GSE1: variants seen among roughly 807,000 people sequenced by gnomAD.
GSE1 encodes the protein Gse1 coiled-coil protein.
In GSE1, 32 loss-of-function variants were observed where a neutral mutation model predicts 112.6. The ratio of observed to expected loss-of-function variants is 0.28; its 90% CI spans 0.21 to 0.38. GSE1 has a LOEUF of 0.38. Ranked by LOEUF, GSE1 falls within the 10% of genes least tolerant of loss-of-function variation. GSE1 has a pLI of 1.00. For synonymous variants in GSE1, 1,115 were observed against 735.6 expected (o/e 1.52, Z -8.35); for missense variants, 2,348 against 1,699.2 (o/e 1.38, Z -6.71).
chr16:85,632,551 G>C (rs1567683521), intron 1 of GSE1, among the ~76,000 whole-genome samples: 2 of 152,204 alleles, frequency 1.3e-5, no homozygotes, highest in South Asian at 4.1e-4. Flanking sequence ...TCTCCACGCT[G>C]CCTCCGAGCC....
At chr16:85,175,035 T>C (rs977056088) in intron 1 of GSE1, among the ~76,000 whole-genome samples, 1 of 134,940 alleles carries the variant, frequency 7.4e-6, no homozygotes, top group East Asian at 2.1e-4. Flanking sequence ...TCTCTGCTGC[T>C]TCCTGTGACT....
chr16:85,392,618 A>T (rs1476981740), intron 2 of GSE1, among the ~76,000 whole-genome samples: 2 of 152,170 alleles, frequency 1.3e-5, no homozygotes, highest in African/African-American at 2.4e-5. Context: ...TTTGTTGTTT[A>T]TCTGAAATTT....
At chr16:85,371,277 G>A (rs946747432) in intron 2 of GSE1, among the ~76,000 whole-genome samples, 15 of 152,210 alleles carry the variant, frequency 9.9e-5, no homozygotes, top group South Asian at 2.1e-4. Flanking sequence ...TGCTCCTGCC[G>A]GGTGAGTCCC....
intron 2 of GSE1, among the ~76,000 whole-genome samples, chr16:85,412,790 C>T (rs1597674340): frequency 1.3e-5 from 2 of 152,260 alleles, no homozygotes; most frequent in East Asian, 1.9e-4. Context: ...CTGACCTCTC[C>T]AGTGCAACTG....
At chr16:85,640,773 C>G (rs986259542) in intron 2 of GSE1, among the ~76,000 whole-genome samples, 1 of 152,262 alleles carries the variant, frequency 6.6e-6, no homozygotes, top group African/African-American at 2.4e-5. Flanking sequence ...TCCCGCCTGG[C>G]AGGCGCGCCT....
chr16:85,558,195 T>C (rs73269252), intron 1 of GSE1, among the ~76,000 whole-genome samples: 8,727 of 152,268 alleles, frequency 0.057, 802 homozygotes, highest in African/African-American at 0.2. Flanking sequence ...CTGACATTCA[T>C]CAGAGCCCTT....
chr16:85,416,904 G>A (rs572358457), intron 2 of GSE1, among the ~76,000 whole-genome samples: 4 of 152,226 alleles, frequency 2.6e-5, no homozygotes, highest in African/African-American at 9.6e-5. Context: ...CCCCCAGGCC[G>A]GGGTGCAGTG....
In GSE1 at chr16:85,646,864, C is replaced by T. The variant is rs926169564; in HGVS notation, c.227-1688C>T. On this transcript the variant is annotated intron_variant, in intron 2 of 15. Transcript: ENST00000253458. ...AGCCTCTGGGGAGCTGCTCTGGTCT[C>T]GGTCACGGGGGCTTGATCCCCACAA... Among the ~76,000 whole-genome samples the T allele has an allele frequency of 5.8e-5, 8 of 138,588 alleles. No individual in the cohort carries two copies. In the East Asian group the frequency reaches 1.4e-3, roughly 23 times the overall value. The allele number at this position is 138,588 out of a possible 152,430, so 90.9% of individuals were successfully genotyped here. A position where few individuals can be genotyped will look rare whatever the true frequency, so the allele number is the denominator to read the frequency against.
At chr16:85,417,305 C>A (rs1014064811) in intron 2 of GSE1, among the ~76,000 whole-genome samples, 4 of 152,218 alleles carry the variant, frequency 2.6e-5, no homozygotes, top group Non-Finnish European at 4.4e-5. Flanking sequence ...ACCAAAACAT[C>A]TTTTGATATT....
At chr16:85,350,913 G>A (rs2046838641) in intron 1 of GSE1, among the ~76,000 whole-genome samples, 1 of 152,160 alleles carries the variant, frequency 6.6e-6, no homozygotes, top group African/African-American at 2.4e-5. Context: ...CCGAGTAGCT[G>A]GGATTACAGG....
intron 1 of GSE1, among the ~76,000 whole-genome samples, chr16:85,261,280 C>T (rs1231861037): frequency 6.6e-6 from 1 of 152,202 alleles, no homozygotes; most frequent in Non-Finnish European, 1.5e-5. Flanking sequence ...TCATACCTAC[C>T]CTTGGGGGCA....
At chr16:85,363,978 C>T (rs1597492016) in intron 2 of GSE1, among the ~76,000 whole-genome samples, 1 of 152,354 alleles carries the variant, frequency 6.6e-6, no homozygotes, top group East Asian at 1.9e-4. Context: ...CCCATGGCTG[C>T]TGTGACAATA....
At chr16:85,559,244 G>A (rs979177402) in intron 1 of GSE1, among the ~76,000 whole-genome samples, 1 of 152,154 alleles carries the variant, frequency 6.6e-6, no homozygotes, top group African/African-American at 2.4e-5. Flanking sequence ...TGAGGTAGCT[G>A]CTGCCATCCA....
intron 1 of GSE1, among the ~76,000 whole-genome samples, chr16:85,560,128 C>CTTT (rs377241566): frequency 0.012 from 1,223 of 99,148 alleles, no homozygotes; most frequent in Non-Finnish European, 0.016. Flanking sequence ...TCTTCTTCTT[C>CTTT]TTTTTTTTTT....
At chr16:85,416,429 C>G (rs573376935) in intron 2 of GSE1, among the ~76,000 whole-genome samples, 1 of 152,222 alleles carries the variant, frequency 6.6e-6, no homozygotes, top group South Asian at 2.1e-4. Context: ...GCCATGGGTT[C>G]AGAGCGGCTC....
At chr16:85,515,630 A>G (rs1323813003) in intron 2 of GSE1, among the ~76,000 whole-genome samples, 1 of 146,254 alleles carries the variant, frequency 6.8e-6, no homozygotes, top group Non-Finnish European at 1.5e-5. Flanking sequence ...AGATCGCCTG[A>G]ACAGGTCGGG....
chr16:85,305,225 G>A (rs2045644442), intron 1 of GSE1, among the ~76,000 whole-genome samples: 1 of 152,210 alleles, frequency 6.6e-6, no homozygotes, highest in Admixed American at 6.5e-5. Context: ...CTGATGTCCT[G>A]GCCTCGTTCC....
chr16:85,527,979 C>G (rs1020436608), intron 2 of GSE1, among the ~76,000 whole-genome samples: 1 of 152,188 alleles, frequency 6.6e-6, no homozygotes, highest in Non-Finnish European at 1.5e-5. Flanking sequence ...CTGTTCTGTT[C>G]TCACACTCCA....
In GSE1 at chr16:85,434,494, G is replaced by C. The variant is rs367643305; in HGVS notation, c.2464+76851G>C. Among the ~76,000 whole-genome samples the C allele has an allele frequency of 7.2e-5, 11 of 152,252 alleles. 1 individual carries two copies. Among genetic ancestry groups the C allele is most frequent in the East Asian group, 1.9e-4 (1 of 5,186 alleles). On this transcript the variant is annotated intron_variant, in intron 2 of 2. Transcript: ENST00000637419. Reference sequence around the variant, plus strand: ...GAGGAAATTGAGGCACAAAGAGGTTGAGCTGTTTGCCCAAGGCTCCAGTTA... The same window carrying C: ...GAGGAAATTGAGGCACAAAGAGGTTCAGCTGTTTGCCCAAGGCTCCAGTTA...
Sources: allele counts gnomAD v4.1 joint callset (sites outside exome capture counted in the v4.1 genomes callset), GRCh38; gene constraint gnomAD v4.1.1; transcripts MANE v1.5; gene names NCBI Gene and HGNC (gene_info 2026-07-23, HGNC 2026-07-21).